The following TANGO6 variants were observed in gnomAD, a reference collection of about 807,000 sequenced individuals.
TANGO6 encodes the protein transport and Golgi organization protein 6 homolog.
In TANGO6, 90 loss-of-function variants were observed where a neutral mutation model predicts 114.2. That is an observed-to-expected ratio of 0.79 (90% CI 0.66 to 0.94). The LOEUF (loss-of-function observed/expected upper bound fraction) is 0.94, where lower values mean the gene tolerates loss of function less well. TANGO6 is among the 40% of genes least tolerant of loss of function. The pLI is 0.00. For synonymous variants in TANGO6, 477 were observed against 509.8 expected (o/e 0.94, Z 0.87); for missense variants, 1,274 against 1,315.3 (o/e 0.97, Z 0.49).
rs1020669895 is a variant in TANGO6, at chr16:68,914,390, G to A, written c.1993-4695G>A. Among the ~76,000 whole-genome samples the A allele has an allele frequency of 1.7e-4, 26 of 152,132 alleles. 1 individual carries two copies. Among genetic ancestry groups the A allele is most frequent in the African/African-American group, 4.6e-4 (19 of 41,426 alleles). ...CTGGTCAGGCTGGTCTCAAACTCCC[G>A]ACCTCAGGTGATCTGCCTGCCTTGG... On this transcript the variant is annotated intron_variant, in intron 11 of 17. Transcript: ENST00000261778.
chr16:68,895,204 C>G (rs1040153903), intron 7 of TANGO6, among the ~76,000 whole-genome samples: 1 of 152,086 alleles, frequency 6.6e-6, no homozygotes, highest in Non-Finnish European at 1.5e-5. Context: ...TAACAATTAG[C>G]CAGGCATGGT....
At chr16:69,019,113 A>G (rs1235572725) in intron 15 of TANGO6, among the ~76,000 whole-genome samples, 2 of 152,178 alleles carry the variant, frequency 1.3e-5, no homozygotes, top group East Asian at 3.9e-4. Context: ...GTAATCCGTA[A>G]TATGGGTATA....
chr16:69,014,214 C>T (rs1321969870), intron 15 of TANGO6, among the ~76,000 whole-genome samples: 1 of 152,198 alleles, frequency 6.6e-6, no homozygotes, highest in Non-Finnish European at 1.5e-5. Flanking sequence ...ATATTCTTTT[C>T]ATCTTTCTCT....
intron 9 of TANGO6, 35 bp from the exon 10 acceptor site, chr16:68,907,408 G>A (rs781251127): frequency 6.5e-7 from 1 of 1,538,804 alleles, no homozygotes; most frequent in South Asian, 1.3e-5. Flanking sequence ...TATCTCTGGT[G>A]ACACTACCAA....
intron 7 of TANGO6, among the ~76,000 whole-genome samples, chr16:68,892,020 T>C (rs565842952): frequency 6.6e-6 from 1 of 152,270 alleles, no homozygotes; most frequent in South Asian, 2.1e-4. Context: ...CCCACAAAAA[T>C]AGAGCTTTTG....
chr16:68,953,311 G>A (rs1567547475), intron 14 of TANGO6, among the ~76,000 whole-genome samples: 1 of 151,954 alleles, frequency 6.6e-6, no homozygotes, highest in South Asian at 2.1e-4. Flanking sequence ...TCGAATTCCT[G>A]ACCTCAGGTG....
At position 68,927,948 on chromosome 16, in the gene TANGO6, A is replaced by G; in HGVS notation, c.2508A>G (p.Thr836=). The part of the protein sequence containing the change: ...TTSQKSGSVT[T]EQLQEVLLSA... ...GTCAGAAATCTGGAAGCGTAACCACAGAACAGCTCCAAGAGGTTCTTTTGT... is the reference window on the plus strand; with the variant it reads ...GTCAGAAATCTGGAAGCGTAACCACGGAACAGCTCCAAGAGGTTCTTTTGT... The change falls in exon 13 of 18, where the codon ACA becomes ACG. Residue 836 remains threonine (T), a synonymous_variant. Coordinates refer to ENST00000261778, the MANE Select transcript of TANGO6 (RefSeq NM_024562.2). The G allele has an allele frequency of 6.2e-7, 1 of 1,613,908 alleles. No individual in the cohort carries two copies. Among genetic ancestry groups the G allele is most frequent in the Non-Finnish European group, 8.5e-7 (1 of 1,179,846 alleles).
intron 14 of TANGO6, among the ~76,000 whole-genome samples, chr16:68,934,704 T>C (rs1366057393): frequency 6.6e-6 from 1 of 152,172 alleles, no homozygotes; most frequent in Non-Finnish European, 1.5e-5. Flanking sequence ...CATCCTGTAC[T>C]TTCCCCAAGA....
intron 14 of TANGO6, among the ~76,000 whole-genome samples, chr16:68,946,736 A>G (rs1963418396): frequency 6.6e-6 from 1 of 152,150 alleles, no homozygotes; most frequent in Non-Finnish European, 1.5e-5. Flanking sequence ...TCCTGGGGTC[A>G]AGTAATCTGC....
chr16:68,880,436 C>A, intron 6 of TANGO6, 112 bp from the exon 7 acceptor site: 1 of 632,342 alleles, frequency 1.6e-6, no homozygotes, highest in Non-Finnish European at 2.7e-6. Flanking sequence ...ATTTTCTGAT[C>A]TTAGGTGTTA....
chr16:68,927,397 A>G (rs1963180381), intron 12 of TANGO6, 171 bp from the exon 13 acceptor site: 1 of 646,812 alleles, frequency 1.5e-6, no homozygotes, highest in South Asian at 2.0e-5. Context: ...AATGTTAGGT[A>G]TGATTATTCA....
At chr16:68,923,121 A>ATT (rs112914521) in intron 12 of TANGO6, among the ~76,000 whole-genome samples, 1 of 131,314 alleles carries the variant, frequency 7.6e-6, no homozygotes, top group South Asian at 2.4e-4. Flanking sequence ...CTCATTTTGT[A>ATT]TTTTTTTTTT....
At chr16:68,844,753 G>A (rs1306216938) in intron 1 of TANGO6, among the ~76,000 whole-genome samples, 2 of 151,968 alleles carry the variant, frequency 1.3e-5, no homozygotes, top group South Asian at 2.1e-4. Context: ...CCCTGGGATC[G>A]GTACTACTTG....
intron 15 of TANGO6, among the ~76,000 whole-genome samples, chr16:68,982,855 A>G (rs1414107220): frequency 2.0e-5 from 3 of 151,768 alleles, no homozygotes; most frequent in Non-Finnish European, 4.4e-5. Context: ...AAAATGAAGT[A>G]TATTTTTAAA....
At chr16:69,037,702 T>A (rs1016743388) in intron 16 of TANGO6, among the ~76,000 whole-genome samples, 1 of 152,014 alleles carries the variant, frequency 6.6e-6, no homozygotes, top group Non-Finnish European at 1.5e-5. Flanking sequence ...GGGTGGGGGG[T>A]CCCAGGTCAA....
intron 7 of TANGO6, among the ~76,000 whole-genome samples, chr16:68,886,828 G>A (rs1962546052): frequency 6.9e-6 from 1 of 144,492 alleles, no homozygotes; most frequent in Admixed American, 7.1e-5. Context: ...TTTTTTTTGA[G>A]ATTGAGTCTC....
Position 68,867,121 on chromosome 16 carries a change from G to T in TANGO6, c.895G>T (p.Ala299Ser), listed in dbSNP as rs1259111647. The T allele has an allele frequency of 6.2e-7, 1 of 1,613,750 alleles. No homozygotes were observed. Among genetic ancestry groups the T allele is most frequent in the African/African-American group, 1.3e-5 (1 of 74,964 alleles). Residue 299 changes from alanine (A) to serine (S), a missense_variant, in exon 4 of 18, where the codon GCT becomes TCT. Ala to Ser is a moderately conservative substitution (Grantham distance 99). This residue lies in a region of TANGO6 where 908 missense variants were observed against 910.2 expected (regional missense o/e 1.00). Coordinates refer to ENST00000261778, the MANE Select transcript of TANGO6 (RefSeq NM_024562.2). ...VKTQMRCRAP[A>S]WLRRLCGQLL... ...GACACAGATGAGGTGTCGGGCCCCA[G>T]CTTGGCTTCGGCGTCTATGTGGACA... is the stretch of plus-strand genomic sequence containing the variant.
At chr16:68,887,104 G>A (rs1449038222) in intron 7 of TANGO6, among the ~76,000 whole-genome samples, 1 of 152,202 alleles carries the variant, frequency 6.6e-6, no homozygotes, top group Non-Finnish European at 1.5e-5. Context: ...CACCATGCTC[G>A]GCCCTTCCAT....
intron 7 of TANGO6, among the ~76,000 whole-genome samples, chr16:68,890,775 C>T (rs901439502): frequency 6.6e-6 from 1 of 152,098 alleles, no homozygotes; most frequent in Non-Finnish European, 1.5e-5. Context: ...AATCCCAGCA[C>T]TTTGGGAGGC....
Sources: allele counts gnomAD v4.1 joint callset (sites outside exome capture counted in the v4.1 genomes callset), GRCh38; gene constraint gnomAD v4.1.1; regional missense constraint gnomAD v4.1.1; transcripts MANE v1.5; gene names NCBI Gene and HGNC (gene_info 2026-07-23, HGNC 2026-07-21).